DLGAP2: variants seen among roughly 807,000 people sequenced by gnomAD.
DLGAP2 encodes the protein DLG associated protein 2, also known as disks large-associated protein 2.
DLGAP2 carries 26 observed loss-of-function variants against 100.3 expected under a neutral mutation model. The observed-to-expected ratio is 0.26, with a 90% confidence interval of 0.19 to 0.36. The LOEUF (loss-of-function observed/expected upper bound fraction) is 0.36, where lower values mean the gene tolerates loss of function less well. DLGAP2 is among the 10% of genes least tolerant of loss of function. The pLI, the probability that DLGAP2 is intolerant of heterozygous loss-of-function variation, is 1.00. For missense variants in DLGAP2, 1,858 were observed against 1,453.2 expected, an observed-to-expected ratio of 1.28 and a Z score of -4.53; for synonymous variants, 886 against 630.1, an observed-to-expected ratio of 1.41 and a Z score of -6.08.
intron 4 of DLGAP2, among the ~76,000 whole-genome samples, chr8:1,517,478 A>G (rs1800434547): frequency 6.6e-6 from 1 of 151,832 alleles, no homozygotes; most frequent in African/African-American, 2.4e-5. Context: ...AGAGCCTCCC[A>G]CCCTGGCCTC....
chr8:1,424,797 A>G (rs1201523170), intron 3 of DLGAP2, among the ~76,000 whole-genome samples: 1 of 151,980 alleles, frequency 6.6e-6, no homozygotes, highest in African/African-American at 2.4e-5. Flanking sequence ...GGACAAGGAC[A>G]GTATGATCCC....
rs1799702801 is a variant in DLGAP2, at chr8:1,706,295, C to T, written c.*4889C>T. 6.6e-6 allele frequency: 1 copy of T among 152,182 alleles called. No individual in the cohort carries two copies. The highest frequency in any genetic ancestry group is 2.1e-4 in the South Asian group (1 of 4,826). 9.4% of individuals were successfully genotyped at this position (152,182 alleles called of 1,614,324 possible). On this transcript the variant is annotated 3_prime_UTR_variant, in exon 15 of 15. Transcript: ENST00000637795. ...TTCCTCTAGAAAGGGGATTACAGTT[C>T]CTGTCCCTGTCTTCCTCCAGGACAC...
intron 3 of DLGAP2, among the ~76,000 whole-genome samples, chr8:1,430,243 A>T (rs1047953605): frequency 2.0e-5 from 3 of 151,634 alleles, no homozygotes; most frequent in Middle Eastern, 3.4e-3. Flanking sequence ...GTTAGATTTT[A>T]ATTTAGATTC....
At chr8:1,078,910 G>A (rs945834173) in intron 2 of DLGAP2, among the ~76,000 whole-genome samples, 5 of 152,170 alleles carry the variant, frequency 3.3e-5, no homozygotes, top group African/African-American at 9.7e-5. Flanking sequence ...ACTCATCCAG[G>A]TAAATAGCAA....
chr8:1,179,507 C>T (rs1797335181), intron 2 of DLGAP2, among the ~76,000 whole-genome samples: 1 of 152,266 alleles, frequency 6.6e-6, no homozygotes, highest in Admixed American at 6.5e-5. Flanking sequence ...CCACAGGCAC[C>T]TGGCTGCTGG....
At chr8:1,561,173 C>T (rs1018767842) in intron 5 of DLGAP2, among the ~76,000 whole-genome samples, 1 of 152,196 alleles carries the variant, frequency 6.6e-6, no homozygotes, top group Non-Finnish European at 1.5e-5. Flanking sequence ...CATGACTTTG[C>T]TCCTCATTCG....
intron 2 of DLGAP2, among the ~76,000 whole-genome samples, chr8:998,726 A>T (rs149979298): frequency 2.6e-5 from 4 of 152,246 alleles, no homozygotes; most frequent in African/African-American, 7.2e-5. Flanking sequence ...CTTTGCTCTT[A>T]TAATCTGAGG....
chr8:997,902 A>G (rs1488107584), intron 2 of DLGAP2, among the ~76,000 whole-genome samples: 1 of 149,964 alleles, frequency 6.7e-6, no homozygotes, highest in African/African-American at 2.5e-5. Flanking sequence ...ACCCATGCAC[A>G]TGCATGCATA....
chr8:848,460 G>A (rs1797114587), intron 1 of DLGAP2, among the ~76,000 whole-genome samples: 3 of 20,374 alleles, frequency 1.5e-4, no homozygotes, highest in African/African-American at 6.0e-4. Context: ...GTGTAGGGTC[G>A]TGCGGTGCGT....
At chr8:1,454,805 C>A (rs1798259186) in intron 3 of DLGAP2, among the ~76,000 whole-genome samples, 1 of 152,186 alleles carries the variant, frequency 6.6e-6, no homozygotes, top group African/African-American at 2.4e-5. Flanking sequence ...CAGAGACCCC[C>A]ACTGAGCACT....
At chr8:1,691,202 G>C (rs1799252372) in intron 12 of DLGAP2, among the ~76,000 whole-genome samples, 1 of 152,196 alleles carries the variant, frequency 6.6e-6, no homozygotes, top group African/African-American at 2.4e-5. Context: ...GTGTTCTTGT[G>C]TCTTCCAGCT....
intron 12 of DLGAP2, among the ~76,000 whole-genome samples, chr8:1,687,395 G>T (rs1373228046): frequency 6.6e-6 from 1 of 152,174 alleles, no homozygotes. Context: ...TATAGCTCCT[G>T]CAAGTGTCTA....
intron 2 of DLGAP2, among the ~76,000 whole-genome samples, chr8:1,204,577 G>A (rs1585150069): frequency 1.0e-5 from 1 of 96,456 alleles, no homozygotes; most frequent in Non-Finnish European, 1.8e-5. Flanking sequence ...CACCTATGAT[G>A]TGATAGTTTG....
At chr8:1,405,433 G>A (rs1442838036) in intron 3 of DLGAP2, among the ~76,000 whole-genome samples, 13 of 8,122 alleles carry the variant, frequency 1.6e-3, no homozygotes, top group Admixed American at 2.1e-3. Flanking sequence ...CCACCTCCTC[G>A]TCCTCCTGAG....
intron 2 of DLGAP2, among the ~76,000 whole-genome samples, chr8:1,232,711 G>A (rs1217076533): frequency 6.6e-6 from 1 of 152,232 alleles, no homozygotes; most frequent in Non-Finnish European, 1.5e-5. Context: ...AAGACAAGGT[G>A]CATGTTCAGT....
At chr8:893,398 A>G (rs1798076623) in intron 1 of DLGAP2, among the ~76,000 whole-genome samples, 1 of 152,216 alleles carries the variant, frequency 6.6e-6, no homozygotes, top group African/African-American at 2.4e-5. Context: ...TGATTCATCT[A>G]ACTTACGTGT....
intron 8 of DLGAP2, among the ~76,000 whole-genome samples, chr8:1,654,100 C>T (rs944012715): frequency 6.6e-6 from 1 of 152,160 alleles, no homozygotes; most frequent in Non-Finnish European, 1.5e-5. Flanking sequence ...AATTAGCCCT[C>T]CCTTGAAATC....
intron 14 of DLGAP2, among the ~76,000 whole-genome samples, chr8:1,699,480 G>T (rs1315857144): frequency 6.6e-6 from 1 of 151,992 alleles, no homozygotes; most frequent in Admixed American, 6.5e-5. Context: ...CAGGCGTGGT[G>T]GTGGGCGCCT....
chr8:1,316,778 T>G, intron 3 of DLGAP2, among the ~76,000 whole-genome samples: 1 of 141,078 alleles, frequency 7.1e-6, no homozygotes, highest in Admixed American at 7.0e-5. Context: ...ACAGCGTCTC[T>G]CCCACAGTGG....
Sources: allele counts gnomAD v4.1 joint callset (sites outside exome capture counted in the v4.1 genomes callset), GRCh38; gene constraint gnomAD v4.1.1; transcripts MANE v1.5; gene names NCBI Gene and HGNC (gene_info 2026-07-23, HGNC 2026-07-21).